EML4: variants seen among roughly 807,000 people sequenced by gnomAD.
EML4 encodes the protein EMAP like 4.
EML4 carries 72 observed loss-of-function variants against 129.0 expected under a neutral mutation model. The observed-to-expected ratio is 0.56, with a 90% CI of 0.46 to 0.68. The LOEUF is 0.68. Among genes scored for constraint, EML4 ranks in the 30% least tolerant of loss-of-function variants. EML4 has a pLI of 0.00. For synonymous variants in EML4, 532 were observed against 405.0 expected (o/e 1.31, Z -3.77); for missense variants, 1,363 against 1,190.6 (o/e 1.14, Z -2.13).
chr2:42,219,788 A>G (rs763788792), intron 1 of EML4, among the ~76,000 whole-genome samples: 1 of 151,844 alleles, frequency 6.6e-6, no homozygotes, highest in Non-Finnish European at 1.5e-5. Flanking sequence ...AGCCGGGCGT[A>G]AGGGGCGCAT....
chr2:42,188,493 A>G (rs953390196), intron 1 of EML4, among the ~76,000 whole-genome samples: 2 of 151,986 alleles, frequency 1.3e-5, no homozygotes, highest in Non-Finnish European at 2.9e-5. Context: ...AAGTGCTGGG[A>G]TTACAGGCCG....
At chr2:42,249,416 A>G (rs1219605799) in intron 2 of EML4, among the ~76,000 whole-genome samples, 6 of 152,128 alleles carry the variant, frequency 3.9e-5, no homozygotes, top group South Asian at 4.1e-4. Flanking sequence ...TTAGAGGTCA[A>G]ATTAAATTCC....
intron 2 of EML4, among the ~76,000 whole-genome samples, chr2:42,247,648 A>ATGCT (rs1250921430): frequency 3.9e-5 from 6 of 152,148 alleles, no homozygotes; most frequent in South Asian, 2.1e-4. Context: ...GTGTTATATT[A>ATGCT]TGCTTGCTTG....
chr2:42,239,975 T>C (rs1481536148), intron 1 of EML4, among the ~76,000 whole-genome samples: 8 of 152,102 alleles, frequency 5.3e-5, no homozygotes, highest in Admixed American at 4.6e-4. Context: ...ATGCATAATA[T>C]AGTCATCAGA....
chr2:42,169,762 C>T (rs549119850), intron 1 of EML4, 126 bp downstream of exon 1: 6 of 1,074,630 alleles, frequency 5.6e-6, no homozygotes, highest in East Asian at 3.0e-5. Context: ...GCACATGTTC[C>T]CTTCGAGGCT....
chr2:42,256,397 T>A (rs984492605), intron 2 of EML4, 104 bp from the exon 3 acceptor site: 2 of 1,148,794 alleles, frequency 1.7e-6, no homozygotes, highest in Admixed American at 2.8e-5. Context: ...ATACTTAATT[T>A]TTTTTCTACC....
intron 6 of EML4, among the ~76,000 whole-genome samples, chr2:42,273,989 CT>C (rs1666517675): frequency 6.6e-6 from 1 of 152,050 alleles, no homozygotes; most frequent in Admixed American, 6.6e-5. Context: ...GATAAAGAAC[CT>C]TTTTAAGAAA....
chr2:42,245,672 T>C lies in EML4; in HGVS notation c.193T>C (p.Ser65Pro). ...SEDHVASVKK[S>P]VSSKGQPSPR... is the part of the protein sequence containing the mutation. ...AGATCATGTGGCCTCAGTGAAAAAA[T>C]CAGTCTCAAGTAAAGGTAATTGTGT... is the stretch of plus-strand genomic sequence containing the variant. The change falls in exon 2 of 23, where the codon TCA (serine) becomes CCA (proline). Residue 65 changes from serine (S) to proline (P), a missense_variant. By Grantham distance (74) the Ser-to-Pro change is moderately conservative. Transcript: ENST00000318522. 6.2e-7 allele frequency: 1 copy of C among 1,609,874 alleles called. No homozygotes were observed.
chr2:42,259,291 C>T (rs552081784), intron 3 of EML4, among the ~76,000 whole-genome samples: 13 of 151,620 alleles, frequency 8.6e-5, no homozygotes, highest in Admixed American at 2.6e-4. Context: ...AAGAAATAGG[C>T]ATTTAGTAGT....
At chr2:42,264,211 C>T (rs1338476284) in intron 5 of EML4, among the ~76,000 whole-genome samples, 1 of 145,588 alleles carries the variant, frequency 6.9e-6, no homozygotes, top group Non-Finnish European at 1.5e-5. Context: ...CCTTCCTGGG[C>T]TCAGGTGATT....
At position 42,169,626 on chromosome 2, in the gene EML4, C is replaced by T; in HGVS notation, c.15C>T (p.Ala5=). The T allele has an allele frequency of 3.1e-6, 5 of 1,601,908 alleles. No individual in the cohort carries two copies. Among genetic ancestry groups the T allele is most frequent in the South Asian group, 1.1e-5 (1 of 90,172 alleles). Residue 5 remains alanine (A), a synonymous_variant, in exon 1 of 23, where the codon GCC becomes GCT. Coordinates refer to ENST00000318522, the MANE Select transcript of EML4 (RefSeq NM_019063.5). ...TTCCCCGCAAGATGGACGGTTTCGC[C>T]GGCAGTCTCGGTGAGTACGGCTGGG... MDGF[A]GSLDDSISAA...
At chr2:42,268,196 T>G (rs1373704442) in intron 6 of EML4, among the ~76,000 whole-genome samples, 1 of 152,206 alleles carries the variant, frequency 6.6e-6, no homozygotes, top group East Asian at 1.9e-4. Context: ...AAAACAAAGT[T>G]CCATCTGTGG....
rs772832824 is a variant in EML4, at chr2:42,193,673, G to C, written c.25+24037G>C. ...GTCATCTATCTATTGAGTCATTATA[G>C]GCGTTCTTTTTTTTTTTTCCTTTTC... On this transcript the variant is annotated intron_variant, in intron 1 of 22. Transcript: ENST00000318522. Among the ~76,000 whole-genome samples the C allele has an allele frequency of 2.6e-4, 40 of 151,876 alleles. 1 individual carries two copies. Among genetic ancestry groups the C allele is most frequent in the Admixed American group, 1.2e-3 (19 of 15,248 alleles).
chr2:42,320,456 A>C (rs1669461749), intron 19 of EML4, among the ~76,000 whole-genome samples: 1 of 152,090 alleles, frequency 6.6e-6, no homozygotes, highest in South Asian at 2.1e-4. Context: ...CATCCTAACC[A>C]TCTCACCTAC....
At chr2:42,304,399 C>A in intron 16 of EML4, 85 bp from the exon 17 acceptor site, 2 of 894,420 alleles carry the variant, frequency 2.2e-6, no homozygotes, top group Non-Finnish European at 1.9e-6. Context: ...TTGAATGAAA[C>A]AGGTTATTTT....
At chr2:42,195,331 A>G (rs1421166238) in intron 1 of EML4, among the ~76,000 whole-genome samples, 1 of 152,194 alleles carries the variant, frequency 6.6e-6, no homozygotes, top group African/African-American at 2.4e-5. Context: ...CATTTTAAGG[A>G]TACGGTATTC....
At chr2:42,223,745 C>G (rs58838850) in intron 1 of EML4, among the ~76,000 whole-genome samples, 7,442 of 152,150 alleles carry the variant, frequency 0.049, 596 homozygotes, top group African/African-American at 0.17. Flanking sequence ...ATTACATTTT[C>G]ACTAATCTTT....
chr2:42,283,251 G>A (rs1030964302), intron 8 of EML4, among the ~76,000 whole-genome samples: 22 of 152,202 alleles, frequency 1.4e-4, no homozygotes, highest in African/African-American at 5.3e-4. Context: ...CTGGTCTGTA[G>A]TGTGAAACAT....
intron 1 of EML4, among the ~76,000 whole-genome samples, chr2:42,196,570 C>T (rs1490106459): frequency 6.6e-6 from 1 of 152,224 alleles, no homozygotes; most frequent in African/African-American, 2.4e-5. Context: ...CATGTCTGCT[C>T]TGACTACACT....
Sources: gnomAD v4.1 joint callset for allele counts (sites outside exome capture counted in the v4.1 genomes callset) on GRCh38, gnomAD v4.1.1 for gene constraint, MANE v1.5 for transcripts, NCBI Gene and HGNC (gene_info 2026-07-23, HGNC 2026-07-21) for gene names.